TUSC3: variants seen among roughly 807,000 people sequenced by gnomAD.
TUSC3 encodes the protein dolichyl-diphosphooligosaccharide--protein glycosyltransferase subunit TUSC3.
In TUSC3, 45 loss-of-function variants were observed where a neutral mutation model predicts 44.8. The observed-to-expected ratio is 1.00, with a 90% CI of 0.79 to 1.29. The LOEUF (loss-of-function observed/expected upper bound fraction) is 1.29. Ranked by LOEUF, TUSC3 falls within the 50% of genes most tolerant of loss-of-function variation. The pLI, the probability that TUSC3 is intolerant of heterozygous loss-of-function variation, is 0.00. For missense variants in TUSC3, 519 were observed against 437.9 expected (o/e 1.19, Z -1.65); for synonymous variants, 212 against 152.9 (o/e 1.39, Z -2.85).
At chr8:15,424,567 C>T (rs28482020) in intron 1 of TUSC3, among the ~76,000 whole-genome samples, 11,590 of 152,152 alleles carry the variant, frequency 0.076, 963 homozygotes, top group African/African-American at 0.2. Context: ...ATGAGCCTTA[C>T]GGATGTTAAA....
intron 1 of TUSC3, among the ~76,000 whole-genome samples, chr8:15,619,244 A>T (rs1805133892): frequency 6.6e-6 from 1 of 152,192 alleles, no homozygotes; most frequent in Admixed American, 6.5e-5. Flanking sequence ...TTATTCCAGA[A>T]CATGGATTTG....
the TUSC3 span, among the ~76,000 whole-genome samples, chr8:15,823,366 C>G: frequency 1.8e-4 from 27 of 152,122 alleles, no homozygotes; most frequent in Non-Finnish European, 5.9e-5. Flanking sequence ...TGTGGACTGC[C>G]TCATTTCAAA....
rs1219275592 is a variant in TUSC3, at chr8:15,581,872, T to G, written c.139-41208T>G. Reference sequence around the variant, plus strand: ...CAGTTGGAGCTTCCCGTTTACCTAATCAAGCCTGGGCAATGGCGGGCGCCC... The same window carrying G: ...CAGTTGGAGCTTCCCGTTTACCTAAGCAAGCCTGGGCAATGGCGGGCGCCC... On this transcript the variant is annotated intron_variant, in intron 1 of 10. Coordinates refer to ENST00000503731, the MANE Select transcript of TUSC3 (RefSeq NM_006765.4). 3.0e-4 allele frequency among the ~76,000 whole-genome samples: 39 copies of G among 128,622 alleles called. 1 individual carries two copies. Among genetic ancestry groups the G allele is most frequent in the East Asian group, 5.0e-4 (2 of 4,030 alleles). 84.4% of individuals were successfully genotyped at this position (128,622 alleles called of 152,430 possible). A position where few individuals can be genotyped will look rare whatever the true frequency, so the allele number is the denominator to read the frequency against.
chr8:15,500,167 C>G (rs549497531), intron 2 of TUSC3, among the ~76,000 whole-genome samples: 2 of 152,156 alleles, frequency 1.3e-5, no homozygotes, highest in African/African-American at 4.8e-5. Context: ...TAGAGTCTTT[C>G]TCTACGGAGC....
chr8:15,430,420 G>A (rs367700604), intron 1 of TUSC3, among the ~76,000 whole-genome samples: 5,251 of 145,134 alleles, frequency 0.036, 166 homozygotes, highest in Middle Eastern at 0.094. Context: ...CTTTGACAAA[G>A]TTCAACAACC....
chr8:15,698,737 A>C (rs1809271642), intron 6 of TUSC3, among the ~76,000 whole-genome samples: 1 of 152,186 alleles, frequency 6.6e-6, no homozygotes, highest in African/African-American at 2.4e-5. Flanking sequence ...ACTTTGATAC[A>C]TCTTCATTAT....
At chr8:15,686,289 C>T (rs903818434) in intron 6 of TUSC3, among the ~76,000 whole-genome samples, 5 of 151,992 alleles carry the variant, frequency 3.3e-5, no homozygotes, top group African/African-American at 7.3e-5. Context: ...TAACTCCCAC[C>T]GTGAACAAAT....
the TUSC3 span, among the ~76,000 whole-genome samples, chr8:15,796,697 C>A: frequency 1.4e-3 from 217 of 152,288 alleles, no homozygotes; most frequent in African/African-American, 5.0e-3. Flanking sequence ...GAAAGGGAGA[C>A]AAAGTTTCTA....
rs138648420 is a variant in TUSC3 at position 15,575,445 on chromosome 8, A to G, written c.138+34877A>G. The stretch of plus-strand genomic sequence containing the variant: ...TGTGTACATTCATTGCTTCATTGTA[A>G]GAGGATAATATATATTTTATTTCAA... On this transcript the variant is annotated intron_variant, in intron 1 of 10. Transcript: ENST00000503731. Among the ~76,000 whole-genome samples, 441 of 152,256 alleles carry G rather than the reference A, an allele frequency of 2.9e-3. 2 individuals are homozygous for G. Among genetic ancestry groups the G allele is most frequent in the African/African-American group, 0.01 (423 of 41,560 alleles).
intron 2 of TUSC3, among the ~76,000 whole-genome samples, chr8:15,500,308 T>C (rs1283007208): frequency 6.6e-6 from 1 of 152,230 alleles, no homozygotes; most frequent in Non-Finnish European, 1.5e-5. Flanking sequence ...CCGTATCTAA[T>C]GCAAGTTTAT....
chr8:15,660,063 T>G (rs1807351219), intron 4 of TUSC3, among the ~76,000 whole-genome samples: 1 of 152,096 alleles, frequency 6.6e-6, no homozygotes, highest in Non-Finnish European at 1.5e-5. Context: ...TTTGGGACTA[T>G]AAATTGGTGT....
chr8:15,771,092 A>G (rs1812433197), downstream of TUSC3, among the ~76,000 whole-genome samples: 1 of 152,202 alleles, frequency 6.6e-6, no homozygotes, highest in South Asian at 2.1e-4. Flanking sequence ...CCATTAAGGC[A>G]GAAAGGCATT....
intron 2 of TUSC3, 25 bp from the exon 3 acceptor site, chr8:15,650,672 T>G (rs1451352241): frequency 6.2e-7 from 1 of 1,601,908 alleles, no homozygotes; most frequent in Non-Finnish European, 8.6e-7. Flanking sequence ...GATGTGTTTC[T>G]ACTATGGCCC....
intron 1 of TUSC3, among the ~76,000 whole-genome samples, chr8:15,479,880 A>G (rs1355209974): frequency 6.6e-6 from 1 of 152,200 alleles, no homozygotes; most frequent in Non-Finnish European, 1.5e-5. Context: ...TGCAGATGAT[A>G]TGGTCCTATA....
chr8:15,718,574 C>T (rs1032535295), intron 6 of TUSC3, among the ~76,000 whole-genome samples: 6 of 152,042 alleles, frequency 3.9e-5, no homozygotes, highest in African/African-American at 1.4e-4. Context: ...TTGAATTTAA[C>T]GATACACATC....
At chr8:15,500,050 C>T (rs1800937929) in intron 2 of TUSC3, among the ~76,000 whole-genome samples, 1 of 152,140 alleles carries the variant, frequency 6.6e-6, no homozygotes, top group Admixed American at 6.6e-5. Context: ...TGTCTTGGTT[C>T]AATTGTCTGG....
chr8:15,626,188 T>C (rs544881576), intron 2 of TUSC3, among the ~76,000 whole-genome samples: 1 of 152,120 alleles, frequency 6.6e-6, no homozygotes, highest in East Asian at 1.9e-4. Context: ...CTCCCAGGCC[T>C]GGAGCCTCTG....
chr8:15,695,544 G>A (rs944787841), intron 6 of TUSC3, among the ~76,000 whole-genome samples: 2 of 152,142 alleles, frequency 1.3e-5, no homozygotes, highest in Admixed American at 6.6e-5. Flanking sequence ...GGAGTGGGGC[G>A]ATGCTGAAAA....
chr8:15,824,484 G>T, the TUSC3 span, among the ~76,000 whole-genome samples: 3 of 151,748 alleles, frequency 2.0e-5, no homozygotes, highest in African/African-American at 7.3e-5. Flanking sequence ...ATTTTTTATG[G>T]CTGCTCAGCA....
Sources: gnomAD v4.1 joint callset for allele counts (sites outside exome capture counted in the v4.1 genomes callset) on GRCh38, gnomAD v4.1.1 for gene constraint, MANE v1.5 for transcripts, NCBI Gene and HGNC (gene_info 2026-07-23, HGNC 2026-07-21) for gene names.